Variants in BTBD9 observed in about 807,000 individuals in gnomAD.
The protein encoded by BTBD9 is BTB/POZ domain-containing protein 9.
Under a neutral mutation model 64.3 loss-of-function variants are expected in BTBD9, and 49 were observed. The observed-to-expected ratio is 0.76, with a 90% CI of 0.61 to 0.97. The LOEUF is 0.97. Among genes scored for constraint, BTBD9 ranks in the 50% least tolerant of loss-of-function variants. The probability of loss-of-function intolerance (pLI) is 0.00; values close to 1 mark genes in which losing one functional copy is unlikely to be tolerated. For synonymous variants in BTBD9, 260 were observed against 274.7 expected (o/e 0.95, Z 0.53); for missense variants, 598 against 762.1 (o/e 0.78, Z 2.53).
chr6:38,588,067 T>A lies in BTBD9; in HGVS notation c.814+4509A>T, dbSNP rs1776622300. On this transcript the variant is annotated intron_variant, in intron 4 of 10. Transcript: ENST00000481247. Reference sequence around the variant, plus strand: ...CAGGTCAGACTGAAAGTCAGCTGTATCAATAGTACCAGCAACAGGCTAGCT... The same window carrying A: ...CAGGTCAGACTGAAAGTCAGCTGTAACAATAGTACCAGCAACAGGCTAGCT... 3 of 726,706 alleles carry A rather than the reference T, an allele frequency of 4.1e-6. No homozygotes were observed. In the South Asian group the frequency reaches 4.6e-5, roughly 11 times the overall value. The allele number at this position is 726,706 out of a possible 1,614,324, so 45.0% of individuals were successfully genotyped here.
intron 6 of BTBD9, among the ~76,000 whole-genome samples, chr6:38,466,080 T>C (rs528021220): frequency 6.6e-6 from 1 of 151,602 alleles, no homozygotes; most frequent in Non-Finnish European, 1.5e-5. Context: ...CCCAAAGTGC[T>C]GGGATTACAT....
intron 6 of BTBD9, among the ~76,000 whole-genome samples, chr6:38,546,699 C>T (rs761677402): frequency 6.6e-6 from 1 of 152,196 alleles, no homozygotes; most frequent in Non-Finnish European, 1.5e-5. Context: ...GACGGAGTCT[C>T]GCTCTGTTAG....
intron 4 of BTBD9, 54 bp downstream of exon 4, chr6:38,592,522 G>C (rs1350604667): frequency 1.9e-6 from 3 of 1,591,560 alleles, no homozygotes; most frequent in Non-Finnish European, 2.6e-6. Flanking sequence ...GGTTTTAATG[G>C]CATGAGAGGC....
intron 9 of BTBD9, among the ~76,000 whole-genome samples, chr6:38,204,431 C>T (rs908589652): frequency 5.9e-5 from 9 of 151,630 alleles, no homozygotes; most frequent in South Asian, 2.1e-4. Flanking sequence ...ATGATGAACC[C>T]GCTAAGTGAA....
chr6:38,280,302 G>C (rs927173441), intron 8 of BTBD9, among the ~76,000 whole-genome samples: 3 of 152,162 alleles, frequency 2.0e-5, no homozygotes, highest in African/African-American at 7.2e-5. Flanking sequence ...GGGAACCAGA[G>C]CTCTGAGGTC....
intron 6 of BTBD9, among the ~76,000 whole-genome samples, chr6:38,430,362 G>A (rs1042580627): frequency 6.6e-6 from 1 of 150,814 alleles, no homozygotes; most frequent in African/African-American, 2.5e-5. Flanking sequence ...TGGGATCACA[G>A]GCTTGTGCCA....
At chr6:38,186,168 G>GC (rs1205480489) in intron 10 of BTBD9, among the ~76,000 whole-genome samples, 1 of 152,154 alleles carries the variant, frequency 6.6e-6, no homozygotes, top group African/African-American at 2.4e-5. Context: ...GAGGAGAACT[G>GC]CCCACTGCTC....
At chr6:38,596,578 A>C (rs1421872494) in intron 2 of BTBD9, among the ~76,000 whole-genome samples, 1 of 152,130 alleles carries the variant, frequency 6.6e-6, no homozygotes, top group Non-Finnish European at 1.5e-5. Flanking sequence ...AGGCGGGCGG[A>C]TCACAAGGTC....
chr6:38,568,929 C>G (rs968801835), intron 6 of BTBD9, among the ~76,000 whole-genome samples: 4 of 152,176 alleles, frequency 2.6e-5, no homozygotes, highest in African/African-American at 7.2e-5. Context: ...ATACCTTACA[C>G]AGTTATACAA....
chr6:38,380,682 A>C (rs549415559), intron 6 of BTBD9, among the ~76,000 whole-genome samples: 6 of 152,250 alleles, frequency 3.9e-5, no homozygotes, highest in African/African-American at 1.4e-4. Context: ...AAAAGGAAAG[A>C]GTTTTTTTAA....
intron 9 of BTBD9, among the ~76,000 whole-genome samples, chr6:38,242,149 G>C (rs532105496): frequency 6.6e-6 from 1 of 152,230 alleles, no homozygotes; most frequent in East Asian, 1.9e-4. Flanking sequence ...GTGGATAGTT[G>C]ACTTGTACCT....
chr6:38,269,416 C>T (rs1765124473), intron 8 of BTBD9, among the ~76,000 whole-genome samples: 1 of 151,972 alleles, frequency 6.6e-6, no homozygotes, highest in East Asian at 1.9e-4. Context: ...CAGTGCAATT[C>T]TTTTGATCAC....
At chr6:38,588,609 G>A in intron 4 of BTBD9, 1 of 292,716 alleles carries the variant, frequency 3.4e-6, no homozygotes, top group Non-Finnish European at 5.9e-6. Context: ...AATCTGTAAT[G>A]AAGTTCACAA....
At chr6:38,362,998 C>G (rs2127599191) in intron 6 of BTBD9, among the ~76,000 whole-genome samples, 1 of 152,254 alleles carries the variant, frequency 6.6e-6, no homozygotes, top group African/African-American at 2.4e-5. Flanking sequence ...AAAAAAGAAG[C>G]TGAAAATAAA....
intron 6 of BTBD9, among the ~76,000 whole-genome samples, chr6:38,573,776 T>C (rs1278224051): frequency 6.6e-6 from 1 of 152,162 alleles, no homozygotes; most frequent in African/African-American, 2.4e-5. Context: ...CAGCACCATG[T>C]TGAGGAATAG....
At chr6:38,431,819 T>C (rs1768456947) in intron 6 of BTBD9, among the ~76,000 whole-genome samples, 1 of 151,990 alleles carries the variant, frequency 6.6e-6, no homozygotes, top group Admixed American at 6.5e-5. Flanking sequence ...ACTTTTTTAG[T>C]TTTTAAAAAG....
At chr6:38,176,243 A>G (rs1380853201) in intron 10 of BTBD9, among the ~76,000 whole-genome samples, 1 of 152,262 alleles carries the variant, frequency 6.6e-6, no homozygotes, top group Non-Finnish European at 1.5e-5. Flanking sequence ...CGTAGAATCA[A>G]GTTCACAGAG....
intron 6 of BTBD9, among the ~76,000 whole-genome samples, chr6:38,385,569 T>G (rs16890615): frequency 0.034 from 5,139 of 152,226 alleles, 171 homozygotes; most frequent in East Asian, 0.11. Flanking sequence ...AGTAAAATGT[T>G]ACAATAACCA....
At chr6:38,379,027 C>T (rs1202333864) in intron 6 of BTBD9, among the ~76,000 whole-genome samples, 1 of 152,028 alleles carries the variant, frequency 6.6e-6, no homozygotes, top group African/African-American at 2.4e-5. Flanking sequence ...GTATGAATAA[C>T]TAGGCTACAG....
Sources: gnomAD v4.1 joint callset for allele counts (sites outside exome capture counted in the v4.1 genomes callset) on GRCh38, gnomAD v4.1.1 for gene constraint, MANE v1.5 for transcripts, NCBI Gene and HGNC (gene_info 2026-07-23, HGNC 2026-07-21) for gene names.